USO1: variants seen among roughly 807,000 people sequenced by gnomAD.
USO1 encodes the protein USO1 vesicle transport factor, also known as general vesicular transport factor p115.
Under a neutral mutation model 124.5 loss-of-function variants are expected in USO1, and 57 were observed. That is an observed-to-expected ratio of 0.46 (90% CI 0.37 to 0.57). The LOEUF is 0.57. Among genes scored for constraint, USO1 ranks in the 20% least tolerant of loss-of-function variants. The pLI, the probability that USO1 is intolerant of heterozygous loss-of-function variation, is 0.00. For missense variants in USO1, 900 were observed against 1,040.6 expected (o/e 0.86, Z 1.86); for synonymous variants, 369 against 362.8 (o/e 1.02, Z -0.19).
intron 1 of USO1, among the ~76,000 whole-genome samples, chr4:75,738,185 A>G (rs1459085515): frequency 6.6e-6 from 1 of 151,362 alleles, no homozygotes; most frequent in Non-Finnish European, 1.5e-5. Flanking sequence ...GGCCAGGCAC[A>G]GTAGGTCATG....
intron 8 of USO1, 47 bp downstream of exon 8, chr4:75,774,843 G>T: frequency 1.3e-6 from 2 of 1,593,786 alleles, no homozygotes; most frequent in South Asian, 2.3e-5. Context: ...TGTACTCACT[G>T]ACTTGTTAGG....
chr4:75,772,763 C>T (rs1721968588), intron 7 of USO1, among the ~76,000 whole-genome samples: 1 of 152,036 alleles, frequency 6.6e-6, no homozygotes, highest in Non-Finnish European at 1.5e-5. Context: ...TTCATTACCA[C>T]TTATTTTCAT....
chr4:75,738,682 T>C (rs1228604060), intron 1 of USO1, among the ~76,000 whole-genome samples: 1 of 152,102 alleles, frequency 6.6e-6, no homozygotes, highest in Non-Finnish European at 1.5e-5. Flanking sequence ...GGTTTCGCCA[T>C]GTTGCCCAGG....
At chr4:75,760,581 T>C (rs998486308) in intron 4 of USO1, 5 of 397,742 alleles carry the variant, frequency 1.3e-5, no homozygotes, top group African/African-American at 1.0e-4. Flanking sequence ...TTTATTTTTA[T>C]CTACCTTTTC....
At chr4:75,788,167 ATTTATTTTT>A (rs922904807) in intron 10 of USO1, among the ~76,000 whole-genome samples, 1 of 92,970 alleles carries the variant, frequency 1.1e-5, no homozygotes, top group African/African-American at 3.4e-5. Flanking sequence ...TTATTTATTT[ATTTATTTTT>A]TTTTTTTTTT....
chr4:75,793,609 G>A (rs918482126), intron 12 of USO1, 81 bp from the exon 13 acceptor site: 4 of 1,499,044 alleles, frequency 2.7e-6, no homozygotes, highest in African/African-American at 2.8e-5. Context: ...ACTATTTTAT[G>A]TGTACAGAAA....
chr4:75,787,062 C>T lies in USO1; in HGVS notation c.856C>T (p.Leu286Phe), dbSNP rs1315077289. 1.3e-6 allele frequency: 2 copies of T among 1,574,040 alleles called. No homozygotes were observed. Among genetic ancestry groups the T allele is most frequent in the Non-Finnish European group, 1.7e-6 (2 of 1,166,868 alleles). Reference protein sequence around the residue: ...KVTNLHLMLQLVRVLVSPTNP... With the variant: ...KVTNLHLMLQFVRVLVSPTNP... ...ATTTTGTTTTCTCTTTCTTTCACAG[C>T]TTGTTCGTGTATTGGTATCTCCCAC... Residue 286 changes from leucine (L) to phenylalanine (F), a missense_variant and splice_region_variant, in exon 10 of 24, where the codon CTT (leucine) becomes TTT (phenylalanine). Coordinates refer to ENST00000514213, the MANE Select transcript of USO1 (RefSeq NM_003715.4).
intron 1 of USO1, among the ~76,000 whole-genome samples, chr4:75,751,270 G>A (rs1404811913): frequency 6.6e-6 from 1 of 150,708 alleles, no homozygotes; most frequent in Non-Finnish European, 1.5e-5. Context: ...GGAGTGCAGT[G>A]GTGCAATCTC....
chr4:75,804,421 G>GCATT (rs1330794295), intron 18 of USO1, 149 bp downstream of exon 18: 16 of 1,276,994 alleles, frequency 1.3e-5, no homozygotes, highest in Non-Finnish European at 1.5e-5. Flanking sequence ...AAGCAAAATA[G>GCATT]CATGATAGTT....
chr4:75,803,282 T>TTA (rs373765344), intron 17 of USO1, among the ~76,000 whole-genome samples: 13 of 151,824 alleles, frequency 8.6e-5, no homozygotes, highest in South Asian at 2.1e-4. Flanking sequence ...GGCTACATAA[T>TTA]TATATATATA....
chr4:75,799,571 T>G (rs1722782458), intron 13 of USO1, 51 bp from the exon 14 acceptor site: 1 of 1,598,316 alleles, frequency 6.3e-7, no homozygotes, highest in Non-Finnish European at 8.5e-7. Context: ...AACTTTAAGT[T>G]TGAAAAATAT....
chr4:75,800,546 T>C, intron 15 of USO1, 72 bp from the exon 16 acceptor site: 1 of 1,533,190 alleles, frequency 6.5e-7, no homozygotes, highest in Non-Finnish European at 8.7e-7. Context: ...CAAAGCATTA[T>C]GTAGACCAAG....
At chr4:75,805,489 C>G (rs986835848) in intron 19 of USO1, among the ~76,000 whole-genome samples, 186 bp downstream of exon 19, 2 of 151,930 alleles carry the variant, frequency 1.3e-5, no homozygotes, top group African/African-American at 4.8e-5. Context: ...GGCGGATCAC[C>G]TGAGGTCAGG....
At chr4:75,744,928 A>G (rs1408124091) in intron 1 of USO1, 1 of 507,602 alleles carries the variant, frequency 2.0e-6, no homozygotes, top group Non-Finnish European at 3.9e-6. Context: ...ACAAATTTCT[A>G]GAAGTTGAAT....
intron 1 of USO1, among the ~76,000 whole-genome samples, chr4:75,732,595 G>A (rs1161010292): frequency 6.6e-6 from 1 of 152,126 alleles, no homozygotes; most frequent in East Asian, 1.9e-4. Context: ...AATAGTCATA[G>A]TTACTGGACG....
Position 75,805,133 on chromosome 4 carries a change from C to A in USO1, c.2126-7C>A. 1 of 1,567,002 alleles carries A rather than the reference C, an allele frequency of 6.4e-7. No individual in the cohort carries two copies. The highest frequency in any genetic ancestry group is 2.1e-5 in the Admixed American group (1 of 48,380). On this transcript the variant is annotated splice_region_variant and splice_polypyrimidine_tract_variant and intron_variant, in intron 18 of 23. Coordinates refer to ENST00000514213, the MANE Select transcript of USO1 (RefSeq NM_003715.4). ...TTGGCTTTTAAAATGTTATGTCTGT[C>A]TAACAGGAAAAGACAATCAGCATCA...
At chr4:75,727,336 A>T (rs945793206) in intron 1 of USO1, among the ~76,000 whole-genome samples, 8 of 152,186 alleles carry the variant, frequency 5.3e-5, no homozygotes, top group Admixed American at 1.3e-4. Flanking sequence ...TCACTTGCGT[A>T]TGTTGTATAT....
In USO1 at chr4:75,724,792, C is replaced by A. The variant is rs1289766124; in HGVS notation, c.-28C>A. On this transcript the variant is annotated 5_prime_UTR_variant, in exon 1 of 24. Transcript: ENST00000514213. Reference sequence around the variant, plus strand: ...TTGTCTTCTTTTTTTTCCGGAGGGGCCGGTAAACCTGGTGGCTGAACGGCA... The same window carrying A: ...TTGTCTTCTTTTTTTTCCGGAGGGGACGGTAAACCTGGTGGCTGAACGGCA... The A allele has an allele frequency of 6.2e-7, 1 of 1,612,784 alleles. No homozygotes were observed. Among genetic ancestry groups the A allele is most frequent in the African/African-American group, 1.3e-5 (1 of 74,898 alleles).
intron 1 of USO1, 104 bp downstream of exon 1, chr4:75,724,989 G>T: frequency 3.9e-6 from 5 of 1,269,832 alleles, no homozygotes; most frequent in Non-Finnish European, 5.5e-6. Context: ...ACCATGGAGG[G>T]GGCATCCACA....
Sources: allele counts gnomAD v4.1 joint callset (sites outside exome capture counted in the v4.1 genomes callset), GRCh38; gene constraint gnomAD v4.1.1; transcripts MANE v1.5; gene names NCBI Gene and HGNC (gene_info 2026-07-23, HGNC 2026-07-21).